The following GPSM2 variants were observed in gnomAD, a reference collection of about 807,000 sequenced individuals.
GPSM2 encodes the protein G protein signaling modulator 2.
In GPSM2, 58 loss-of-function variants were observed where a neutral mutation model predicts 78.4. The observed-to-expected ratio is 0.74, with a 90% CI of 0.60 to 0.92. The LOEUF (loss-of-function observed/expected upper bound fraction) is 0.92, where lower values mean the gene tolerates loss of function less well. Among genes scored for constraint, GPSM2 ranks in the 40% least tolerant of loss-of-function variants. The pLI, the probability that GPSM2 is intolerant of heterozygous loss-of-function variation, is 0.00. For missense variants in GPSM2, 700 were observed against 815.5 expected (o/e 0.86, Z 1.73); for synonymous variants, 224 against 280.2 (o/e 0.80, Z 2.00).
rs1648473534 is a variant in GPSM2 at position 108,897,639 on chromosome 1, G to A, written c.414+12G>A. The A allele has an allele frequency of 6.2e-7, 1 of 1,607,798 alleles. No homozygotes were observed. Among genetic ancestry groups the A allele is most frequent in the African/African-American group, 1.3e-5 (1 of 74,704 alleles). ...AGCTTAATGACAAGGTAATACCGCA[G>A]CATTAGATGGTAGGCCTAATATTTT... is the stretch of plus-strand genomic sequence containing the variant. On this transcript the variant is annotated intron_variant, in intron 4 of 14. Transcript: ENST00000264126.
chr1:108,911,533 A>C lies in GPSM2; in HGVS notation c.1193-2805A>C, dbSNP rs1053821438. 3.9e-5 allele frequency among the ~76,000 whole-genome samples: 6 copies of C among 152,312 alleles called. No individual in the cohort carries two copies. In the South Asian group the frequency reaches 1.2e-3, roughly 32 times the overall value. ...CACAGCGAAACTCCATCTCAGAAAA[A>C]CAAAAACACAAGCAAACAAACAAAA... is the stretch of plus-strand genomic sequence containing the variant. On this transcript the variant is annotated intron_variant, in intron 10 of 14. Coordinates refer to ENST00000264126, the MANE Select transcript of GPSM2 (RefSeq NM_013296.5).
chr1:108,897,891 T>C, intron 4 of GPSM2, 68 bp from the exon 5 acceptor site: 3 of 1,520,078 alleles, frequency 2.0e-6, no homozygotes, highest in South Asian at 1.1e-5. Flanking sequence ...ACTAAGGATA[T>C]TACAAATATA....
intron 14 of GPSM2, 58 bp from the exon 15 acceptor site, chr1:108,929,643 A>G: frequency 1.9e-6 from 3 of 1,548,810 alleles, no homozygotes; most frequent in East Asian, 4.5e-5. Context: ...GAGATTTAAC[A>G]TAGCTTGGTG....
At position 108,885,437 on chromosome 1, in the gene GPSM2, T is replaced by C. The variant is rs899362480; in HGVS notation, c.-86T>C. The stretch of plus-strand genomic sequence containing the variant: ...ACTCATTAATATACTAACCGGACAA[T>C]GTTCTACAAACAATTCTACATTGTA... On this transcript the variant is annotated 5_prime_UTR_variant, in exon 2 of 15. It removes an upstream start codon present in the reference 5' UTR. Transcript: ENST00000264126. 4 of 780,858 alleles carry C rather than the reference T, an allele frequency of 5.1e-6. No homozygotes were observed. Among genetic ancestry groups the C allele is most frequent in the Non-Finnish European group, 6.7e-6 (3 of 446,058 alleles). The allele number at this position is 780,858 out of a possible 1,614,324, so 48.4% of individuals were successfully genotyped here.
chr1:108,934,496 G>GTGTT lies in GPSM2; in HGVS notation c.*4561_*4564dup, dbSNP rs1380424330. The GTGTT allele has an allele frequency of 3.0e-6, 2 of 664,458 alleles. No homozygotes were observed. The highest frequency in any genetic ancestry group is 4.9e-6 in the Non-Finnish European group (2 of 405,746). 41.2% of individuals were successfully genotyped at this position (664,458 alleles called of 1,614,324 possible). ...AATGAAAAGCTTTTACATATATAAC[G>GTGTT]TGTTTGTTAATTCTAATTGTCAGTA... On this transcript the variant is annotated 3_prime_UTR_variant, in exon 15 of 15. Coordinates refer to ENST00000264126, the MANE Select transcript of GPSM2 (RefSeq NM_013296.5).
chr1:108,902,379 CAAA>C (rs5776957), intron 8 of GPSM2, among the ~76,000 whole-genome samples: 12 of 76,856 alleles, frequency 1.6e-4, no homozygotes, highest in Admixed American at 4.4e-4. Context: ...GACTGCATCT[CAAA>C]AAAAAAAAAA....
At chr1:108,901,306 G>A (rs984515687) in intron 7 of GPSM2, among the ~76,000 whole-genome samples, 1 of 152,162 alleles carries the variant, frequency 6.6e-6, no homozygotes, top group Non-Finnish European at 1.5e-5. Flanking sequence ...ATGAGTTGGT[G>A]ACTAATGCCC....
chr1:108,885,527 A>G lies in GPSM2; in HGVS notation c.5A>G (p.Glu2Gly). 6.4e-7 allele frequency: 1 copy of G among 1,555,810 alleles called. No homozygotes were observed. Among genetic ancestry groups the G allele is most frequent in the Non-Finnish European group, 8.9e-7 (1 of 1,127,252 alleles). The change falls in exon 2 of 15, where the codon GAG (glutamate) becomes GGG (glycine). Residue 2 changes from glutamate (E) to glycine (G), a missense_variant. Coordinates refer to ENST00000264126, the MANE Select transcript of GPSM2 (RefSeq NM_013296.5). ...TTCAGCTTATAATATGACTCGATGG[A>G]GGAAAATTTGATAAGCATGAGAGAA... M[E>G]ENLISMREDH...
At chr1:108,912,149 A>G (rs1051241323) in intron 10 of GPSM2, among the ~76,000 whole-genome samples, 1 of 152,276 alleles carries the variant, frequency 6.6e-6, no homozygotes, top group South Asian at 2.1e-4. Flanking sequence ...TCAAATTGAT[A>G]AAAATTAAGT....
At chr1:108,921,490 G>C (rs2101539241) in intron 12 of GPSM2, among the ~76,000 whole-genome samples, 1 of 151,820 alleles carries the variant, frequency 6.6e-6, no homozygotes, top group Non-Finnish European at 1.5e-5. Context: ...ATAGGTACCT[G>C]AACTGATGTC....
intron 11 of GPSM2, among the ~76,000 whole-genome samples, chr1:108,914,700 G>T (rs140825432): frequency 1.3e-5 from 2 of 152,302 alleles, no homozygotes; most frequent in African/African-American, 4.8e-5. Flanking sequence ...AGGACTGAGT[G>T]TCTGGGTTAG....
chr1:108,892,900 G>T (rs1648071547), intron 2 of GPSM2, among the ~76,000 whole-genome samples: 1 of 152,126 alleles, frequency 6.6e-6, no homozygotes, highest in East Asian at 1.9e-4. Context: ...ATAAACTAGA[G>T]TGTTTGGGAC....
intron 14 of GPSM2, among the ~76,000 whole-genome samples, chr1:108,925,534 G>A (rs1651052767): frequency 6.6e-6 from 1 of 152,118 alleles, no homozygotes; most frequent in Non-Finnish European, 1.5e-5. Flanking sequence ...GGTGGGCTGG[G>A]GAGGGGTGGG....
At chr1:108,918,517 A>G (rs1650451294) in intron 11 of GPSM2, 96 bp from the exon 12 acceptor site, 5 of 888,082 alleles carry the variant, frequency 5.6e-6, no homozygotes, top group Middle Eastern at 2.2e-4. Flanking sequence ...CCAATAGTAA[A>G]TAAGTGAGTA....
At chr1:108,894,229 TATTA>T (rs1294588245) in intron 2 of GPSM2, among the ~76,000 whole-genome samples, 1 of 152,240 alleles carries the variant, frequency 6.6e-6, no homozygotes, top group Non-Finnish European at 1.5e-5. Context: ...AAATAGGCTT[TATTA>T]ATTGTGAAGT....
intron 2 of GPSM2, among the ~76,000 whole-genome samples, chr1:108,892,426 C>T (rs1215229944): frequency 6.6e-6 from 1 of 152,000 alleles, no homozygotes; most frequent in Non-Finnish European, 1.5e-5. Flanking sequence ...TGAGTTTGCA[C>T]AGAAAATGAG....
chr1:108,892,322 C>T (rs563001255), intron 2 of GPSM2, among the ~76,000 whole-genome samples: 12 of 151,604 alleles, frequency 7.9e-5, no homozygotes, highest in South Asian at 4.2e-4. Context: ...CCTGTGAACA[C>T]GAAACAAATT....
intron 8 of GPSM2, among the ~76,000 whole-genome samples, chr1:108,902,853 T>G (rs2101435648): frequency 6.6e-6 from 1 of 152,332 alleles, no homozygotes; most frequent in East Asian, 1.9e-4. Flanking sequence ...ATACCTATCC[T>G]TGAGATTTAT....
At chr1:108,883,697 C>T (rs1313226130) in intron 1 of GPSM2, among the ~76,000 whole-genome samples, 4 of 152,098 alleles carry the variant, frequency 2.6e-5, no homozygotes, top group African/African-American at 7.2e-5. Context: ...TCTAATGTAT[C>T]GGTATGGATT....
Sources: allele counts gnomAD v4.1 joint callset (sites outside exome capture counted in the v4.1 genomes callset), GRCh38; gene constraint gnomAD v4.1.1; transcripts MANE v1.5; gene names NCBI Gene and HGNC (gene_info 2026-07-23, HGNC 2026-07-21).